NLGN1: variants seen among roughly 807,000 people sequenced by gnomAD.
The protein encoded by NLGN1 is neuroligin 1.
NLGN1 carries 12 observed loss-of-function variants against 65.5 expected under a neutral mutation model. The ratio of observed to expected loss-of-function variants is 0.18; its 90% CI spans 0.12 to 0.30. The LOEUF is 0.30. Among genes scored for constraint, NLGN1 ranks in the 10% least tolerant of loss-of-function variants. The probability of loss-of-function intolerance (pLI) is 1.00; values close to 1 mark genes in which losing one functional copy is unlikely to be tolerated. For missense variants in NLGN1, 750 were observed against 1,007.1 expected, an observed-to-expected ratio of 0.74 and a Z score of 3.46; for synonymous variants, 350 against 359.5, an observed-to-expected ratio of 0.97 and a Z score of 0.30.
chr3:174,238,724 T>G (rs547097033), intron 4 of NLGN1, among the ~76,000 whole-genome samples: 1 of 152,300 alleles, frequency 6.6e-6, no homozygotes, highest in African/African-American at 2.4e-5. Flanking sequence ...AGGCTCTAAT[T>G]TATCCTTATG....
At chr3:173,574,729 T>A (rs964026748) in intron 2 of NLGN1, among the ~76,000 whole-genome samples, 1 of 152,186 alleles carries the variant, frequency 6.6e-6, no homozygotes, top group Non-Finnish European at 1.5e-5. Flanking sequence ...TACAGTAGAA[T>A]GATTGTTCAA....
chr3:173,985,303 C>A (rs984770274), intron 4 of NLGN1, among the ~76,000 whole-genome samples: 2 of 152,134 alleles, frequency 1.3e-5, no homozygotes, highest in African/African-American at 2.4e-5. Context: ...GGCTTGGAGT[C>A]ATTCTGTGTG....
intron 3 of NLGN1, among the ~76,000 whole-genome samples, chr3:173,655,018 T>G (rs928245467): frequency 6.6e-6 from 1 of 152,160 alleles, no homozygotes; most frequent in African/African-American, 2.4e-5. Flanking sequence ...TTGGGAAATT[T>G]TTGCTTCCAT....
At chr3:174,059,415 C>T (rs1736900995) in intron 4 of NLGN1, among the ~76,000 whole-genome samples, 1 of 152,066 alleles carries the variant, frequency 6.6e-6, no homozygotes, top group Non-Finnish European at 1.5e-5. Context: ...AGTGAAACTG[C>T]TATAAATGAA....
chr3:173,464,883 A>AT (rs34955608), intron 2 of NLGN1, among the ~76,000 whole-genome samples: 120,197 of 151,488 alleles, frequency 0.79, 48,656 homozygotes, highest in East Asian at 0.97. Flanking sequence ...TTTGTGGACT[A>AT]TTTTTTTTCT....
intron 4 of NLGN1, among the ~76,000 whole-genome samples, chr3:174,141,458 T>C (rs1722260573): frequency 3.9e-5 from 6 of 152,184 alleles, no homozygotes. Context: ...TGGGTGCATG[T>C]ATGGGAAATT....
intron 4 of NLGN1, among the ~76,000 whole-genome samples, chr3:173,975,044 CTTAA>C (rs1452920139): frequency 6.6e-6 from 1 of 152,022 alleles, no homozygotes; most frequent in Non-Finnish European, 1.5e-5. Flanking sequence ...AGAAGATTGG[CTTAA>C]TTGTGTTCAC....
intron 4 of NLGN1, among the ~76,000 whole-genome samples, chr3:174,183,058 T>C (rs948092649): frequency 2.6e-5 from 4 of 152,104 alleles, no homozygotes; most frequent in African/African-American, 9.7e-5. Context: ...CTAGACTCAA[T>C]TTCCACCACT....
At chr3:173,676,118 TTAA>T (rs1477658646) in intron 3 of NLGN1, among the ~76,000 whole-genome samples, 4 of 151,884 alleles carry the variant, frequency 2.6e-5, no homozygotes, top group East Asian at 1.9e-4. Flanking sequence ...AATAAAAAAG[TTAA>T]TAATAATAAT....
chr3:173,712,776 T>C (rs530191267), intron 3 of NLGN1, among the ~76,000 whole-genome samples: 2 of 152,246 alleles, frequency 1.3e-5, no homozygotes, highest in Admixed American at 1.3e-4. Context: ...TGTGTTTTTT[T>C]CTTGAAACTT....
At chr3:173,923,617 G>A (rs1742471564) in intron 4 of NLGN1, among the ~76,000 whole-genome samples, 1 of 152,084 alleles carries the variant, frequency 6.6e-6, no homozygotes, top group South Asian at 2.1e-4. Context: ...AATGATGTAT[G>A]ACATAATCTC....
At chr3:173,464,631 C>T (rs2148901044) in intron 2 of NLGN1, among the ~76,000 whole-genome samples, 1 of 152,058 alleles carries the variant, frequency 6.6e-6, no homozygotes, top group South Asian at 2.1e-4. Flanking sequence ...CACGGGGTTT[C>T]TCCATGTTGG....
intron 3 of NLGN1, among the ~76,000 whole-genome samples, chr3:173,774,202 T>C (rs1779974420): frequency 6.6e-6 from 1 of 152,236 alleles, no homozygotes; most frequent in South Asian, 2.1e-4. Flanking sequence ...GCCTTTGATA[T>C]ATAGTCCTCT....
At chr3:174,243,800 T>C (rs1035146934) in intron 4 of NLGN1, among the ~76,000 whole-genome samples, 3 of 152,306 alleles carry the variant, frequency 2.0e-5, no homozygotes, top group Middle Eastern at 3.4e-3. Context: ...GTATACACAA[T>C]CAACACATGT....
At chr3:174,177,110 T>C (rs1479152711) in intron 4 of NLGN1, among the ~76,000 whole-genome samples, 1 of 152,090 alleles carries the variant, frequency 6.6e-6, no homozygotes, top group African/African-American at 2.4e-5. Context: ...TGCTCCTAGC[T>C]GTGCACAATA....
intron 2 of NLGN1, among the ~76,000 whole-genome samples, chr3:173,603,245 T>C (rs1354442840): frequency 1.3e-5 from 2 of 152,168 alleles, no homozygotes; most frequent in African/African-American, 4.8e-5. Context: ...GACACATTTT[T>C]TGAGCTGTGT....
intron 4 of NLGN1, among the ~76,000 whole-genome samples, chr3:174,029,749 A>C (rs913089168): frequency 3.1e-4 from 47 of 152,108 alleles, no homozygotes; most frequent in African/African-American, 9.7e-4. Flanking sequence ...GAATCATGGG[A>C]GTGGTTTCCC....
At chr3:173,563,764 G>T (rs562171806) in intron 2 of NLGN1, among the ~76,000 whole-genome samples, 5 of 151,410 alleles carry the variant, frequency 3.3e-5, no homozygotes, top group Non-Finnish European at 5.9e-5. Context: ...TTTCCTCACC[G>T]CCTCTATTAC....
intron 4 of NLGN1, among the ~76,000 whole-genome samples, chr3:173,820,152 C>A (rs982768716): frequency 8.2e-5 from 12 of 145,630 alleles, no homozygotes; most frequent in African/African-American, 3.0e-4. Context: ...GCACTCCAGC[C>A]TGGGAGAGAG....
Sources: allele counts gnomAD v4.1 joint callset (sites outside exome capture counted in the v4.1 genomes callset), GRCh38; gene constraint gnomAD v4.1.1; transcripts MANE v1.5; gene names NCBI Gene and HGNC (gene_info 2026-07-23, HGNC 2026-07-21).